Variants in HPX observed in about 807,000 individuals in gnomAD.
The protein encoded by HPX is beta-1B-glycoprotein.
HPX carries 42 observed loss-of-function variants against 53.8 expected under a neutral mutation model. The ratio of observed to expected loss-of-function variants is 0.78; its 90% CI spans 0.61 to 1.01. HPX has a LOEUF of 1.01. Ranked by LOEUF, HPX falls within the 50% of genes least tolerant of loss-of-function variation. The pLI, the probability that HPX is intolerant of heterozygous loss-of-function variation, is 0.00. For synonymous variants in HPX, 229 were observed against 221.1 expected (o/e 1.04, Z -0.32); for missense variants, 547 against 594.3 (o/e 0.92, Z 0.83).
chr11:6,440,893 G>A lies in HPX; in HGVS notation c.71C>T (p.Thr24Ile), dbSNP rs780840467. Residue 24 changes from threonine (T) to isoleucine (I), a missense_variant, in exon 1 of 10, where the codon ACC (threonine) becomes ATC (isoleucine). Thr to Ile is a moderately conservative substitution (Grantham distance 89). Coordinates refer to ENST00000265983, the MANE Select transcript of HPX (RefSeq NM_000613.3). ...WSLCWSLAIA[T>I]PLPPTSAHGN... ...CAGCTTTACTCACGGAGGAAGAGGG[G>A]TGGCAATGGCCAGAGACCAGCATAG... The A allele has an allele frequency of 5.0e-6, 8 of 1,613,250 alleles. No individual in the cohort carries two copies. The highest frequency in any genetic ancestry group is 5.9e-6 in the Non-Finnish European group (7 of 1,179,528).
Position 6,431,993 on chromosome 11 carries a change from G to A in HPX, c.860C>T (p.Thr287Ile). ...FSGTHYWRLD[T>I]SRDGWHSWPI... Reference sequence around the variant, plus strand: ...CCAGCTATGCCAGCCATCCCGGCTGGTGTCCAGACGCCAGTAGTGGGTCCC... The same window carrying A: ...CCAGCTATGCCAGCCATCCCGGCTGATGTCCAGACGCCAGTAGTGGGTCCC... The change falls in exon 8 of 10, where the codon ACC becomes ATC. Residue 287 changes from threonine (T) to isoleucine (I), a missense_variant. By Grantham distance (89) the Thr-to-Ile change is moderately conservative. Coordinates refer to ENST00000265983, the MANE Select transcript of HPX (RefSeq NM_000613.3). 1 of 1,614,216 alleles carries A rather than the reference G, an allele frequency of 6.2e-7. No homozygotes were observed. Among genetic ancestry groups the A allele is most frequent in the Admixed American group, 1.7e-5 (1 of 60,030 alleles).
rs529990286 is a variant in HPX at position 6,437,080 on chromosome 11, C to T, written c.801G>A (p.Thr267=). 64 of 1,614,128 alleles carry T rather than the reference C, an allele frequency of 4.0e-5. No individual in the cohort carries two copies. The highest frequency in any genetic ancestry group is 8.0e-5 in the African/African-American group (6 of 75,012). The change falls in exon 7 of 10, where the codon ACG becomes ACA. Residue 267 remains threonine, a synonymous_variant. Transcript: ENST00000265983. ...CATAGGTGGCACCATGGTTGTCAGA[C>T]GTCAGTGCAGACAAGACTAGATGTG... ...CSPHLVLSAL[T]SDNHGATYAF...
rs762812658 is a variant in HPX at position 6,431,622 on chromosome 11, G to A, written c.1129+19C>T. 9.3e-6 allele frequency: 15 copies of A among 1,612,420 alleles called. No homozygotes were observed. Among genetic ancestry groups the A allele is most frequent in the African/African-American group, 1.3e-5 (1 of 74,824 alleles). On this transcript the variant is annotated intron_variant, in intron 9 of 9. Coordinates refer to ENST00000265983, the MANE Select transcript of HPX (RefSeq NM_000613.3). ...GGTAGCAGAACAAGCTGCCCTCTAA[G>A]CACCCAGAAGCCCCTCACCTGCCAT...
intron 7 of HPX, among the ~76,000 whole-genome samples, chr11:6,435,593 C>T (rs891504843): frequency 2.6e-5 from 4 of 151,948 alleles, no homozygotes; most frequent in Admixed American, 6.6e-5. Context: ...ACTATAGGAA[C>T]GCACTACCAC....
chr11:6,433,729 CT>C (rs1370396227), intron 7 of HPX, among the ~76,000 whole-genome samples: 3 of 152,202 alleles, frequency 2.0e-5, no homozygotes, highest in Non-Finnish European at 2.9e-5. Flanking sequence ...TTTCTGATGA[CT>C]CCCTTTTATG....
chr11:6,436,818 T>C (rs765586968), intron 7 of HPX, among the ~76,000 whole-genome samples: 162 of 152,098 alleles, frequency 1.1e-3, no homozygotes, highest in Non-Finnish European at 1.7e-3. Flanking sequence ...GGCACAGCCA[T>C]GGGAGTAGAT....
rs1590806344 is a variant in HPX at position 6,440,162 on chromosome 11, T to C, written c.336+3A>G. The C allele has an allele frequency of 6.2e-7, 1 of 1,614,072 alleles. No individual in the cohort carries two copies. The highest frequency in any genetic ancestry group is 8.5e-7 in the Non-Finnish European group (1 of 1,180,032). ...CCTGGCCCTGATTTTGGCCCAGCAG[T>C]ACCTTGATCAGAAAGACACTGTTGT... On this transcript the variant is annotated splice_donor_region_variant and intron_variant, in intron 4 of 9. Coordinates refer to ENST00000265983, the MANE Select transcript of HPX (RefSeq NM_000613.3).
rs775103625 is a variant in HPX at position 6,431,299 on chromosome 11, T to A, written c.1301A>T (p.Tyr434Phe). The change falls in exon 10 of 10, where the codon TAC becomes TTC. Residue 434 changes from tyrosine to phenylalanine, a missense_variant. Coordinates refer to ENST00000265983, the MANE Select transcript of HPX (RefSeq NM_000613.3). Reference sequence around the variant, plus strand: ...CAGTTTCTCCACATCACTGTAGCAGTACAAATTGGGACCATGGATGAGGTA... The same window carrying A: ...CAGTTTCTCCACATCACTGTAGCAGAACAAATTGGGACCATGGATGAGGTA... ...GLYLIHGPNL[Y>F]CYSDVEKLNA... 3 of 1,614,160 alleles carry A rather than the reference T, an allele frequency of 1.9e-6. No individual in the cohort carries two copies. Among genetic ancestry groups the A allele is most frequent in the Non-Finnish European group, 2.5e-6 (3 of 1,180,026 alleles).
At position 6,431,783 on chromosome 11, in the gene HPX, G is replaced by A; in HGVS notation, c.987C>T (p.Phe329=). ...CTAGGGTATAGCCTCCCTTTGTCAG[G>A]AAGACATATACCTGGGTGCCCTGGA... ...YLVQGTQVYV[F]LTKGGYTLVS... The change falls in exon 9 of 10, where the codon TTC becomes TTT. Residue 329 remains phenylalanine (F), a synonymous_variant. Coordinates refer to ENST00000265983, the MANE Select transcript of HPX (RefSeq NM_000613.3). The A allele has an allele frequency of 1.2e-6, 2 of 1,614,148 alleles. No homozygotes were observed. The highest frequency in any genetic ancestry group is 1.7e-6 in the Non-Finnish European group (2 of 1,180,026).
chr11:6,432,473 C>G (rs1380831764), intron 7 of HPX, among the ~76,000 whole-genome samples: 2 of 152,174 alleles, frequency 1.3e-5, no homozygotes, highest in Non-Finnish European at 2.9e-5. Context: ...GGCTAGCACC[C>G]CGTTTTTCTT....
In HPX at chr11:6,438,349, G is replaced by A. The variant is rs1339815886; in HGVS notation, c.490+7C>T. ...CTCCAGGTTCTTGGATTCCAGCCTG[G>A]ACTGACCTTGGAAGAAGAGGACGCC... On this transcript the variant is annotated splice_region_variant and intron_variant, in intron 5 of 9. Coordinates refer to ENST00000265983, the MANE Select transcript of HPX (RefSeq NM_000613.3). 6.2e-7 allele frequency: 1 copy of A among 1,613,868 alleles called. No homozygotes were observed. Among genetic ancestry groups the A allele is most frequent in the Non-Finnish European group, 8.5e-7 (1 of 1,179,962 alleles).
Position 6,437,590 on chromosome 11 carries a change from C to A in HPX, c.553G>T (p.Val185Phe), listed in dbSNP as rs1217221051. 2.5e-6 allele frequency: 4 copies of A among 1,614,242 alleles called. No individual in the cohort carries two copies. The highest frequency in any genetic ancestry group is 2.5e-6 in the Non-Finnish European group (3 of 1,180,038). The stretch of plus-strand genomic sequence containing the variant: ...CTCAGGGCAGAGGAGCAGTTCCCAA[C>A]AGCTGGCCAGGAACGCTCCTTCATG... ...GTMKERSWPAVGNCSSALRWL... is the reference protein window; with the variant it reads ...GTMKERSWPAFGNCSSALRWL... Residue 185 changes from valine to phenylalanine, a missense_variant, in exon 6 of 10, where the codon GTT becomes TTT. Transcript: ENST00000265983.
intron 4 of HPX, chr11:6,439,537 T>TCTC: frequency 6.4e-6 from 1 of 155,554 alleles, no homozygotes; most frequent in South Asian, 2.0e-4. Context: ...GCCAAGGTGA[T>TCTC]GGTTGAGATC....
At position 6,438,519 on chromosome 11, in the gene HPX, A is replaced by G; in HGVS notation, c.337-10T>C. ...CCCAGACTTTGTCCCCCTGCATTCA[A>G]AAGTACTCTCTTTTTGACTGTGCAT... On this transcript the variant is annotated splice_polypyrimidine_tract_variant and intron_variant, in intron 4 of 9. Transcript: ENST00000265983. 6.2e-7 allele frequency: 1 copy of G among 1,613,422 alleles called. No homozygotes were observed. The highest frequency in any genetic ancestry group is 8.5e-7 in the Non-Finnish European group (1 of 1,179,436).
chr11:6,431,372 C>G lies in HPX; in HGVS notation c.1228G>C (p.Glu410Gln). Residue 410 changes from glutamate (E) to glutamine (Q), a missense_variant, in exon 10 of 10, where the codon GAA becomes CAA. Physicochemically the swap from Glu to Gln is conservative, Grantham distance 29. Coordinates refer to ENST00000265983, the MANE Select transcript of HPX (RefSeq NM_000613.3). ...CATGAGTTAGGGCCAAGGGACTTTT[C>G]CATACACAAGGCTCCGTCTACCTTC... The part of the protein sequence containing the change: ...HEKVDGALCM[E>Q]KSLGPNSCSA... The G allele has an allele frequency of 6.2e-7, 1 of 1,614,266 alleles. No homozygotes were observed.
intron 4 of HPX, among the ~76,000 whole-genome samples, chr11:6,439,271 G>A (rs1849455389): frequency 6.6e-6 from 1 of 152,172 alleles, no homozygotes; most frequent in Non-Finnish European, 1.5e-5. Context: ...CAGGGGAGGA[G>A]ATAAACCTGA....
chr11:6,432,985 G>A (rs1235422049), intron 7 of HPX, among the ~76,000 whole-genome samples: 6 of 152,094 alleles, frequency 3.9e-5, no homozygotes, highest in Admixed American at 3.9e-4. Flanking sequence ...TACCTGACAT[G>A]CTTATGGGGT....
Position 6,431,230 on chromosome 11 carries a change from A to T in HPX, c.1370T>A (p.Leu457His). The T allele has an allele frequency of 6.2e-7, 1 of 1,614,238 alleles. No homozygotes were observed. Among genetic ancestry groups the T allele is most frequent in the Non-Finnish European group, 8.5e-7 (1 of 1,180,044 alleles). The change falls in exon 10 of 10, where the codon CTC (leucine) becomes CAC (histidine). Residue 457 changes from leucine (L) to histidine (H), a missense_variant. Physicochemically the swap from Leu to His is moderately conservative, Grantham distance 99 (BLOSUM62 -3). Coordinates refer to ENST00000265983, the MANE Select transcript of HPX (RefSeq NM_000613.3). ...GGCCCCTCAGTGAGTGCAGCCCAGG[A>T]GACTGGTCACATTCTGGGGTTGCGG... is the stretch of plus-strand genomic sequence containing the variant. ...ALPQPQNVTS[L>H]LGCTH
intron 3 of HPX, 43 bp downstream of exon 3, chr11:6,440,424 G>T: frequency 1.3e-6 from 2 of 1,591,388 alleles, no homozygotes; most frequent in Non-Finnish European, 1.7e-6. Flanking sequence ...GTGAAGGAGA[G>T]TAAGTCTAAG....
Sources: gnomAD v4.1 joint callset for allele counts (sites outside exome capture counted in the v4.1 genomes callset) on GRCh38, gnomAD v4.1.1 for gene constraint, MANE v1.5 for transcripts, NCBI Gene and HGNC (gene_info 2026-07-23, HGNC 2026-07-21) for gene names.